The following ENTPD7 variants were observed in gnomAD, a reference collection of about 807,000 sequenced individuals.
ENTPD7 encodes NTPDase 7.
In ENTPD7, 53 loss-of-function variants were observed where a neutral mutation model predicts 77.9. That is an observed-to-expected ratio of 0.68 (90% CI 0.55 to 0.85). ENTPD7 has a LOEUF of 0.85. Ranked by LOEUF, ENTPD7 falls within the 40% of genes least tolerant of loss-of-function variation. The probability of loss-of-function intolerance (pLI) is 0.00; values close to 1 mark genes in which losing one functional copy is unlikely to be tolerated. For synonymous variants in ENTPD7, 248 were observed against 274.9 expected (o/e 0.90, Z 0.97); for missense variants, 636 against 743.7 (o/e 0.86, Z 1.68).
In ENTPD7 at chr10:99,708,744, C is replaced by A; in HGVS notation, c.*4061C>A. 1.3e-6 allele frequency: 1 copy of A among 776,230 alleles called. No homozygotes were observed. Among genetic ancestry groups the A allele is most frequent in the Non-Finnish European group, 1.6e-6 (1 of 639,086 alleles). 48.1% of individuals were successfully genotyped at this position (776,230 alleles called of 1,614,324 possible). A position where few individuals can be genotyped will look rare whatever the true frequency, so the allele number is the denominator to read the frequency against. ...AAGAGTTTTAAAGCTTCTGGTCAAC[C>A]CCCTTGATTTATATGGGTGATAAAA... On this transcript the variant is annotated 3_prime_UTR_variant, in exon 13 of 13. Coordinates refer to ENST00000370489, the MANE Select transcript of ENTPD7 (RefSeq NM_020354.5).
chr10:99,660,006 G>A, intron 2 of ENTPD7, 42 bp downstream of exon 2: 1 of 1,613,628 alleles, frequency 6.2e-7, no homozygotes, highest in African/African-American at 1.3e-5. Context: ...GCACGGCAGA[G>A]GATGGCAGGC....
Position 99,710,042 on chromosome 10 carries a change from C to CCA in ENTPD7, c.*5364_*5365dup, listed in dbSNP as rs759234662. On this transcript the variant is annotated 3_prime_UTR_variant, in exon 13 of 13. Transcript: ENST00000370489. ...CTTCTGAATCACAGGCTATGTATAG[C>CCA]CACACATGCATGACTTCAGGCTAGC... 5.1e-6 allele frequency: 5 copies of CCA among 985,386 alleles called. No homozygotes were observed. The East Asian group carries it at 5.7e-4, about 112-fold the overall frequency. The allele number at this position is 985,386 out of a possible 1,614,324, so 61.0% of individuals were successfully genotyped here. A position where few individuals can be genotyped will look rare whatever the true frequency, so the allele number is the denominator to read the frequency against.
chr10:99,663,177 T>C (rs955543328), intron 3 of ENTPD7, among the ~76,000 whole-genome samples: 2 of 152,228 alleles, frequency 1.3e-5, no homozygotes, highest in African/African-American at 2.4e-5. Context: ...CTTTCAACTT[T>C]TATATGACTG....
intron 5 of ENTPD7, among the ~76,000 whole-genome samples, chr10:99,682,813 G>A (rs2035769394): frequency 6.6e-6 from 1 of 152,170 alleles, no homozygotes; most frequent in African/African-American, 2.4e-5. Flanking sequence ...TCTATAAAAG[G>A]CCAAGGAAAG....
Position 99,702,528 on chromosome 10 carries a change from T to C in ENTPD7, c.1438T>C (p.Ser480Pro). Residue 480 changes from serine (S) to proline (P), a missense_variant, in exon 12 of 13, where the codon TCG becomes CCG. By Grantham distance (74) the Ser-to-Pro change is moderately conservative. This residue lies in a region of ENTPD7 where 12 missense variants were observed against 36.3 expected (regional missense o/e 0.33). Coordinates refer to ENST00000370489, the MANE Select transcript of ENTPD7 (RefSeq NM_020354.5). ...EHRLKYQCFK[S>P]AWMYQVLHEG... ...GTCACACAGATATCAGTGTTTTAAA[T>C]CGGCTTGGATGTACCAAGTCTTACA... is the stretch of plus-strand genomic sequence containing the variant. 6.3e-7 allele frequency: 1 copy of C among 1,579,574 alleles called. No homozygotes were observed. The highest frequency in any genetic ancestry group is 8.6e-7 in the Non-Finnish European group (1 of 1,165,880).
chr10:99,682,017 C>T (rs2035760379), intron 5 of ENTPD7, among the ~76,000 whole-genome samples: 1 of 152,070 alleles, frequency 6.6e-6, no homozygotes, highest in Non-Finnish European at 1.5e-5. Flanking sequence ...CTTTACTGTA[C>T]AGAAATTTTT....
At position 99,709,653 on chromosome 10, in the gene ENTPD7, G is replaced by T. The variant is rs2036323407; in HGVS notation, c.*4970G>T. ...TAACCTGGATCTAAGTTGGAAAGCT[G>T]TGGCACCCTGTTTGGGTGTCCCATC... On this transcript the variant is annotated 3_prime_UTR_variant, in exon 13 of 13. Coordinates refer to ENST00000370489, the MANE Select transcript of ENTPD7 (RefSeq NM_020354.5). The T allele has an allele frequency of 1.0e-6, 1 of 985,286 alleles. No homozygotes were observed. The highest frequency in any genetic ancestry group is 1.7e-5 in the African/African-American group (1 of 57,206). The allele number at this position is 985,286 out of a possible 1,614,324, so 61.0% of individuals were successfully genotyped here. A position where few individuals can be genotyped will look rare whatever the true frequency, so the allele number is the denominator to read the frequency against.
At chr10:99,688,792 G>A (rs2035844723) in intron 7 of ENTPD7, 42 bp downstream of exon 7, 1 of 1,595,548 alleles carries the variant, frequency 6.3e-7, no homozygotes, top group Middle Eastern at 1.7e-4. Context: ...CCTAAGGGCT[G>A]AAGATTTAAG....
At chr10:99,694,546 T>G (rs2035939024) in intron 8 of ENTPD7, among the ~76,000 whole-genome samples, 1 of 150,840 alleles carries the variant, frequency 6.6e-6, no homozygotes, top group African/African-American at 2.4e-5. Flanking sequence ...TTGTTTTTTT[T>G]TTTTTTTGAG....
chr10:99,700,248 C>T (rs1465965854), intron 10 of ENTPD7, among the ~76,000 whole-genome samples: 1 of 151,984 alleles, frequency 6.6e-6, no homozygotes, highest in African/African-American at 2.4e-5. Context: ...GATTTTTTTC[C>T]CTTACCTTTT....
intron 2 of ENTPD7, chr10:99,660,240 C>G: frequency 1.1e-6 from 1 of 885,032 alleles, no homozygotes; most frequent in Non-Finnish European, 1.4e-6. Flanking sequence ...CGCATCTGAG[C>G]AAGGCTAGGT....
In ENTPD7 at chr10:99,679,720, T is replaced by G; in HGVS notation, c.398-5T>G. The G allele has an allele frequency of 6.2e-7, 1 of 1,603,746 alleles. No individual in the cohort carries two copies. Among genetic ancestry groups the G allele is most frequent in the South Asian group, 1.1e-5 (1 of 89,076 alleles). Reference sequence around the variant, plus strand: ...GTTTTGTCTGTTTGTTTGTTTTAACTTAAGGAATCTCTGCAATGGCAGACA... The same window carrying G: ...GTTTTGTCTGTTTGTTTGTTTTAACGTAAGGAATCTCTGCAATGGCAGACA... On this transcript the variant is annotated splice_region_variant and splice_polypyrimidine_tract_variant and intron_variant, in intron 4 of 12. Transcript: ENST00000370489.
In ENTPD7 at chr10:99,660,198, T is replaced by C. The variant is rs1280101797; in HGVS notation, c.8+234T>C. The stretch of plus-strand genomic sequence containing the variant: ...GAGTGAGTCGGCTTGCTCAGCTCTG[T>C]AAAGTGCAAGGTTGTAACATTGATT... On this transcript the variant is annotated intron_variant, in intron 2 of 12. Coordinates refer to ENST00000370489, the MANE Select transcript of ENTPD7 (RefSeq NM_020354.5). 7.4e-6 allele frequency: 5 copies of C among 672,904 alleles called. No individual in the cohort carries two copies. The African/African-American group carries it at 9.8e-5, about 13-fold the overall frequency. The allele number at this position is 672,904 out of a possible 1,614,324, so 41.7% of individuals were successfully genotyped here. A position where few individuals can be genotyped will look rare whatever the true frequency, so the allele number is the denominator to read the frequency against.
chr10:99,663,759 C>CT (rs1161985730), intron 3 of ENTPD7, among the ~76,000 whole-genome samples: 1 of 152,136 alleles, frequency 6.6e-6, no homozygotes, highest in Non-Finnish European at 1.5e-5. Context: ...CCGTGCCCTG[C>CT]TTACCTGATT....
Position 99,709,498 on chromosome 10 carries a change from A to G in ENTPD7, c.*4815A>G, listed in dbSNP as rs2036317381. ...ATTGCTGTTAAAAAACTAAGACTCA[A>G]AACCAAAAGTTGTGATTAATAATAA... On this transcript the variant is annotated 3_prime_UTR_variant, in exon 13 of 13. Coordinates refer to ENST00000370489, the MANE Select transcript of ENTPD7 (RefSeq NM_020354.5). 2 of 984,986 alleles carry G rather than the reference A, an allele frequency of 2.0e-6. No homozygotes were observed. Among genetic ancestry groups the G allele is most frequent in the African/African-American group, 3.5e-5 (2 of 57,244 alleles). The allele number at this position is 984,986 out of a possible 1,614,324, so 61.0% of individuals were successfully genotyped here. A position where few individuals can be genotyped will look rare whatever the true frequency, so the allele number is the denominator to read the frequency against.
chr10:99,698,969 C>T (rs1420101555), intron 10 of ENTPD7, 111 bp downstream of exon 10: 1 of 1,008,344 alleles, frequency 9.9e-7, no homozygotes, highest in African/African-American at 1.6e-5. Context: ...CTCACTTGTT[C>T]TTTGCAGGAG....
In ENTPD7 at chr10:99,710,855, C is replaced by A. The variant is rs1400502152; in HGVS notation, c.*6172C>A. ...CAGTCTAAGTTACAGACAAAAAATT[C>A]TAGGTTGACTGATTAAGAAAGCCAT... is the stretch of plus-strand genomic sequence containing the variant. On this transcript the variant is annotated 3_prime_UTR_variant, in exon 13 of 13. Transcript: ENST00000370489. 1 of 985,270 alleles carries A rather than the reference C, an allele frequency of 1.0e-6. No individual in the cohort carries two copies. Among genetic ancestry groups the A allele is most frequent in the African/African-American group, 1.7e-5 (1 of 57,228 alleles). 61.0% of individuals were successfully genotyped at this position (985,270 alleles called of 1,614,324 possible).
At chr10:99,702,480 T>C in intron 11 of ENTPD7, 32 bp from the exon 12 acceptor site, 1 of 1,505,764 alleles carries the variant, frequency 6.6e-7, no homozygotes, top group Non-Finnish European at 8.9e-7. Flanking sequence ...TCTTTTCTCT[T>C]TTTTTAAAAT....
chr10:99,688,374 G>A (rs532237619), intron 6 of ENTPD7, among the ~76,000 whole-genome samples: 2 of 152,266 alleles, frequency 1.3e-5, no homozygotes, highest in South Asian at 4.1e-4. Flanking sequence ...GGGGAGACAA[G>A]ATTGCCCAGA....
Sources: allele counts gnomAD v4.1 joint callset (sites outside exome capture counted in the v4.1 genomes callset), GRCh38; gene constraint gnomAD v4.1.1; regional missense constraint gnomAD v4.1.1; transcripts MANE v1.5; gene names NCBI Gene and HGNC (gene_info 2026-07-23, HGNC 2026-07-21).